The following QKI variants were observed in gnomAD, a reference collection of about 807,000 sequenced individuals.
QKI encodes QKI, KH domain containing RNA binding, also known as KH domain-containing RNA-binding protein QKI.
Under a neutral mutation model 39.0 loss-of-function variants are expected in QKI, and 10 were observed. The observed-to-expected ratio is 0.26, with a 90% confidence interval of 0.16 to 0.43. The LOEUF (loss-of-function observed/expected upper bound fraction) is 0.43. Among genes scored for constraint, QKI ranks in the 20% least tolerant of loss-of-function variants. The pLI, the probability that QKI is intolerant of heterozygous loss-of-function variation, is 1.00. For synonymous variants in QKI, 204 were observed against 155.4 expected (o/e 1.31, Z -2.33); for missense variants, 218 against 428.0 (o/e 0.51, Z 4.33).
chr6:163,476,224 G>A (rs1344119032), intron 2 of QKI, among the ~76,000 whole-genome samples: 2 of 150,538 alleles, frequency 1.3e-5, no homozygotes, highest in Non-Finnish European at 3.0e-5. Context: ...ACTATACGGA[G>A]GATAAAAATA....
rs1019815082 is a variant in QKI, at chr6:163,577,792, A to C, written c.*7082A>C. On this transcript the variant is annotated 3_prime_UTR_variant, in exon 8 of 8. Coordinates refer to ENST00000361752, the MANE Select transcript of QKI (RefSeq NM_006775.3). ...TTTTTCCTCCTGAAAAATCAGATGAATATTTTAGTCACTGTTACTCATGCA... is the reference window on the plus strand; with the variant it reads ...TTTTTCCTCCTGAAAAATCAGATGACTATTTTAGTCACTGTTACTCATGCA... The C allele has an allele frequency of 1.3e-5, 2 of 152,200 alleles. 1 individual carries two copies. Among genetic ancestry groups the C allele is most frequent in the Non-Finnish European group, 2.9e-5 (2 of 68,048 alleles). 9.4% of individuals were successfully genotyped at this position (152,200 alleles called of 1,614,324 possible).
chr6:163,493,760 A>G (rs994595829), intron 3 of QKI, among the ~76,000 whole-genome samples: 1 of 152,328 alleles, frequency 6.6e-6, no homozygotes, highest in South Asian at 2.1e-4. Context: ...TTGCCTTTCA[A>G]CTTCACTGTT....
At chr6:163,505,087 C>T (rs751658354) in intron 3 of QKI, among the ~76,000 whole-genome samples, 2 of 152,252 alleles carry the variant, frequency 1.3e-5, no homozygotes, top group Middle Eastern at 3.4e-3. Flanking sequence ...GGACACAAGC[C>T]CCAAGCCTTG....
At chr6:163,559,791 G>A (rs1022063642) in intron 4 of QKI, among the ~76,000 whole-genome samples, 1 of 152,174 alleles carries the variant, frequency 6.6e-6, no homozygotes, top group Non-Finnish European at 1.5e-5. Flanking sequence ...AATTTTGTGT[G>A]TCATTACAGC....
At position 163,534,967 on chromosome 6, in the gene QKI, C is replaced by G; in HGVS notation, c.403-15C>G. ...AAGAGAATAATTTTAATCATGTACT[C>G]TGTAAATTTTTTAGGAGGAGCAAAA... is the stretch of plus-strand genomic sequence containing the variant. On this transcript the variant is annotated splice_polypyrimidine_tract_variant and intron_variant, in intron 3 of 7. Transcript: ENST00000361752. 6.3e-7 allele frequency: 1 copy of G among 1,583,166 alleles called. No homozygotes were observed. The highest frequency in any genetic ancestry group is 2.3e-5 in the East Asian group (1 of 44,422).
intron 3 of QKI, among the ~76,000 whole-genome samples, chr6:163,512,754 C>T (rs935913017): frequency 2.0e-5 from 3 of 152,060 alleles, no homozygotes; most frequent in Non-Finnish European, 2.9e-5. Flanking sequence ...GTCCATAAAG[C>T]TTCAGGAAAT....
chr6:163,538,050 C>T lies in QKI; in HGVS notation c.546+2925C>T, dbSNP rs528362678. On this transcript the variant is annotated intron_variant, in intron 4 of 7. Coordinates refer to ENST00000361752, the MANE Select transcript of QKI (RefSeq NM_006775.3). ...ATATGTACACATCTTCCTCATCCTG[C>T]CACAGATTGAGTTGTTCTGTATTTA... 8.1e-3 allele frequency among the ~76,000 whole-genome samples: 1,233 copies of T among 152,184 alleles called. 13 individuals carry two copies. Among genetic ancestry groups the T allele is most frequent in the African/African-American group, 0.028 (1,150 of 41,510 alleles).
intron 6 of QKI, 51 bp downstream of exon 6, chr6:163,563,770 T>C: frequency 6.4e-7 from 1 of 1,551,950 alleles, no homozygotes; most frequent in Admixed American, 1.9e-5. Flanking sequence ...TAAATATTTT[T>C]GCTCCCTCAG....
intron 3 of QKI, among the ~76,000 whole-genome samples, chr6:163,513,478 A>G (rs1779610229): frequency 6.6e-6 from 1 of 152,186 alleles, no homozygotes; most frequent in Non-Finnish European, 1.5e-5. Context: ...TTCTAAACTT[A>G]TTTCGTCCTG....
At chr6:163,475,042 A>G (rs963196404) in intron 2 of QKI, among the ~76,000 whole-genome samples, 9 of 152,184 alleles carry the variant, frequency 5.9e-5, no homozygotes, top group Non-Finnish European at 1.3e-4. Context: ...TATTTTAGAA[A>G]TTGATGGACT....
At chr6:163,474,512 CAG>C (rs1562468014) in intron 2 of QKI, among the ~76,000 whole-genome samples, 2 of 151,710 alleles carry the variant, frequency 1.3e-5, no homozygotes, top group Non-Finnish European at 2.9e-5. Context: ...ATACCAGAAA[CAG>C]AAAATGAAAA....
intron 2 of QKI, among the ~76,000 whole-genome samples, chr6:163,474,787 TAAAAAAAAAAA>T (rs35897463): frequency 9.2e-6 from 1 of 108,640 alleles, no homozygotes. Flanking sequence ...ACAAAAAAGT[TAAAAAAAAAAA>T]AAAAAAAAAG....
intron 4 of QKI, among the ~76,000 whole-genome samples, chr6:163,555,380 C>A (rs779409457): frequency 6.6e-6 from 1 of 151,860 alleles, no homozygotes; most frequent in South Asian, 2.1e-4. Flanking sequence ...AAAAGCAAGA[C>A]CAGTATGCGT....
At chr6:163,446,648 A>AATAATAGT (rs1219934278) in intron 1 of QKI, among the ~76,000 whole-genome samples, 1 of 152,226 alleles carries the variant, frequency 6.6e-6, no homozygotes, top group Non-Finnish European at 1.5e-5. Context: ...CTATTAAATA[A>AATAATAGT]ATAATAGTTA....
At chr6:163,517,091 C>G (rs1032996181) in intron 3 of QKI, among the ~76,000 whole-genome samples, 5 of 150,524 alleles carry the variant, frequency 3.3e-5, no homozygotes, top group African/African-American at 1.2e-4. Context: ...TTCTCTCTCT[C>G]TCTCTCTCTC....
intron 3 of QKI, among the ~76,000 whole-genome samples, chr6:163,528,298 A>T (rs1281900098): frequency 6.6e-6 from 1 of 152,162 alleles, no homozygotes; most frequent in East Asian, 1.9e-4. Context: ...TAAAGTAAAA[A>T]ATTCTAGAGA....
At chr6:163,540,786 G>T (rs957750880) in intron 4 of QKI, among the ~76,000 whole-genome samples, 1 of 151,900 alleles carries the variant, frequency 6.6e-6, no homozygotes, top group Admixed American at 6.6e-5. Context: ...TTGTTTCCTG[G>T]TGACAAAACA....
intron 4 of QKI, among the ~76,000 whole-genome samples, chr6:163,548,152 T>C (rs1260348516): frequency 1.5e-5 from 2 of 135,410 alleles, no homozygotes; most frequent in Non-Finnish European, 3.2e-5. Context: ...GATAGTGGTG[T>C]AGAATTATTA....
intron 1 of QKI, chr6:163,428,989 A>G (rs1227657394): frequency 6.6e-6 from 1 of 152,086 alleles, no homozygotes; most frequent in African/African-American, 2.4e-5. Context: ...CGATCCACAG[A>G]TTTTCAGTTC....
Sources: gnomAD v4.1 joint callset for allele counts (sites outside exome capture counted in the v4.1 genomes callset) on GRCh38, gnomAD v4.1.1 for gene constraint, MANE v1.5 for transcripts, NCBI Gene and HGNC (gene_info 2026-07-23, HGNC 2026-07-21) for gene names.